The following CTNNA2 variants were observed in gnomAD, a reference collection of about 807,000 sequenced individuals.
The protein encoded by CTNNA2 is catenin alpha 2.
Under a neutral mutation model 101.0 loss-of-function variants are expected in CTNNA2, and 42 were observed. The observed-to-expected ratio is 0.42, with a 90% CI of 0.32 to 0.54. The LOEUF is 0.54. CTNNA2 is among the 20% of genes least tolerant of loss of function. CTNNA2 has a pLI of 0.14. For missense variants in CTNNA2, 871 were observed against 1,223.1 expected (o/e 0.71, Z 4.29); for synonymous variants, 450 against 456.4 (o/e 0.99, Z 0.18).
At chr2:79,721,710 A>T (rs188778534) in intron 2 of CTNNA2, among the ~76,000 whole-genome samples, 3 of 152,364 alleles carry the variant, frequency 2.0e-5, no homozygotes, top group Admixed American at 2.0e-4. Context: ...GACTGCTATC[A>T]AAACCTTTTA....
chr2:79,467,576 C>T (rs1378922998), intron 4 of CTNNA2, among the ~76,000 whole-genome samples: 1 of 152,130 alleles, frequency 6.6e-6, no homozygotes, highest in Non-Finnish European at 1.5e-5. Flanking sequence ...ACATAATTGT[C>T]AGATTCACCA....
At chr2:80,589,868 G>GTA (rs1558620942) in intron 15 of CTNNA2, among the ~76,000 whole-genome samples, 7 of 121,410 alleles carry the variant, frequency 5.8e-5, no homozygotes, top group African/African-American at 2.3e-4. Flanking sequence ...CTCTGTGTGT[G>GTA]TGTGTGTGTG....
intron 3 of CTNNA2, among the ~76,000 whole-genome samples, chr2:79,355,615 A>G (rs1003747958): frequency 2.0e-5 from 3 of 152,336 alleles, no homozygotes; most frequent in African/African-American, 7.2e-5. Flanking sequence ...CCTATGCCCT[A>G]GCTCTTGGTA....
At chr2:79,781,025 T>G (rs1573952792) in intron 3 of CTNNA2, among the ~76,000 whole-genome samples, 1 of 152,220 alleles carries the variant, frequency 6.6e-6, no homozygotes, top group Admixed American at 6.5e-5. Flanking sequence ...TCAGGTCAAG[T>G]CCATAGAGTA....
chr2:80,243,942 C>T (rs1183806800), intron 7 of CTNNA2, among the ~76,000 whole-genome samples: 1 of 152,206 alleles, frequency 6.6e-6, no homozygotes, highest in East Asian at 1.9e-4. Context: ...GCTTTTGCTG[C>T]AGTTTCTACT....
At chr2:80,358,381 G>A (rs943059698) in intron 7 of CTNNA2, among the ~76,000 whole-genome samples, 4 of 128,434 alleles carry the variant, frequency 3.1e-5, no homozygotes, top group Non-Finnish European at 4.8e-5. Flanking sequence ...ATGGAGTTTC[G>A]GTCTTGTCAC....
intron 7 of CTNNA2, among the ~76,000 whole-genome samples, chr2:80,200,641 T>G (rs1407310974): frequency 6.6e-6 from 1 of 152,120 alleles, no homozygotes; most frequent in East Asian, 1.9e-4. Flanking sequence ...GTTCAAGCAA[T>G]TCTCCTGCCT....
chr2:79,656,260 A>C (rs919032447), intron 2 of CTNNA2, among the ~76,000 whole-genome samples: 3 of 152,212 alleles, frequency 2.0e-5, no homozygotes, highest in Non-Finnish European at 4.4e-5. Context: ...TGAATAAGGA[A>C]GAAGAGATAA....
intron 7 of CTNNA2, among the ~76,000 whole-genome samples, chr2:79,985,111 C>G (rs982049962): frequency 3.3e-5 from 5 of 152,150 alleles, no homozygotes. Context: ...TGGGTTCAAA[C>G]CCAAAGCACA....
rs1392153794 is a variant in CTNNA2, at chr2:80,347,485, A to G, written c.1057-45726A>G. 3.9e-5 allele frequency among the ~76,000 whole-genome samples: 6 copies of G among 152,198 alleles called. No individual in the cohort carries two copies. The South Asian group carries it at 1.0e-3, about 26-fold the overall frequency. On this transcript the variant is annotated intron_variant, in intron 7 of 18. Coordinates refer to ENST00000402739, the MANE Select transcript of CTNNA2 (RefSeq NM_001282597.3). ...ATCACCAGGGGAGAGGAGCAGTCAC[A>G]TGAACGATCCAACCTAATTCATTTA...
chr2:79,226,168 C>T (rs575867247), intron 2 of CTNNA2, among the ~76,000 whole-genome samples: 99 of 152,184 alleles, frequency 6.5e-4, no homozygotes, highest in Non-Finnish European at 8.8e-4. Context: ...GAGCCTGAAA[C>T]GAAACTTTAT....
At chr2:80,409,853 A>G (rs746992782) in intron 8 of CTNNA2, among the ~76,000 whole-genome samples, 3 of 151,854 alleles carry the variant, frequency 2.0e-5, no homozygotes, top group Non-Finnish European at 2.9e-5. Context: ...TTATAGATCC[A>G]TTATTTCTCT....
At chr2:79,546,839 A>G (rs911116112) in intron 1 of CTNNA2, among the ~76,000 whole-genome samples, 1 of 152,122 alleles carries the variant, frequency 6.6e-6, no homozygotes, top group Non-Finnish European at 1.5e-5. Context: ...CTACAATAGC[A>G]TTTTTATTTA....
At chr2:79,838,021 C>G (rs1237932493) in intron 3 of CTNNA2, among the ~76,000 whole-genome samples, 3 of 151,962 alleles carry the variant, frequency 2.0e-5, no homozygotes, top group African/African-American at 7.3e-5. Context: ...GGGCCAAGTC[C>G]TCTACACTGA....
At chr2:80,489,622 G>C (rs1686878079) in intron 9 of CTNNA2, among the ~76,000 whole-genome samples, 1 of 152,132 alleles carries the variant, frequency 6.6e-6, no homozygotes, top group Non-Finnish European at 1.5e-5. Flanking sequence ...AATGTTGGTA[G>C]GTTGGTTTTT....
intron 2 of CTNNA2, among the ~76,000 whole-genome samples, chr2:79,727,728 TC>T: frequency 1.5e-5 from 1 of 66,186 alleles, no homozygotes; most frequent in Non-Finnish European, 2.7e-5. Context: ...CCCTCCCCCC[TC>T]CCCCCACCCC....
At chr2:79,782,735 G>A (rs1674547194) in intron 3 of CTNNA2, among the ~76,000 whole-genome samples, 1 of 152,174 alleles carries the variant, frequency 6.6e-6, no homozygotes, top group Admixed American at 6.5e-5. Context: ...AAATGCAGCT[G>A]CCTCTAGGGT....
intron 2 of CTNNA2, among the ~76,000 whole-genome samples, chr2:79,266,838 C>T (rs1000170604): frequency 6.6e-6 from 1 of 151,914 alleles, no homozygotes; most frequent in East Asian, 1.9e-4. Context: ...AGGCTTAGGG[C>T]AGGCAACTCA....
chr2:79,221,149 TG>T (rs76249518), intron 2 of CTNNA2, among the ~76,000 whole-genome samples: 123,508 of 151,792 alleles, frequency 0.81, 50,771 homozygotes, highest in East Asian at 0.99. Context: ...AAATTTGTTT[TG>T]TTTTTGTTGT....
Sources: allele counts gnomAD v4.1 joint callset (sites outside exome capture counted in the v4.1 genomes callset), GRCh38; gene constraint gnomAD v4.1.1; transcripts MANE v1.5; gene names NCBI Gene and HGNC (gene_info 2026-07-23, HGNC 2026-07-21).